The following TOX variants were observed in gnomAD, a reference collection of about 807,000 sequenced individuals.
TOX encodes thymocyte selection-associated high mobility group box protein TOX.
A neutral mutation model predicts 53.7 loss-of-function variants in TOX; 11 were observed. The observed-to-expected ratio is 0.20, with a 90% CI of 0.13 to 0.34. The LOEUF (loss-of-function observed/expected upper bound fraction) is 0.34. Among genes scored for constraint, TOX ranks in the 10% least tolerant of loss-of-function variants. The pLI is 1.00. For missense variants in TOX, 570 were observed against 664.6 expected (o/e 0.86, Z 1.56); for synonymous variants, 225 against 245.3 (o/e 0.92, Z 0.77).
chr8:58,863,366 C>G (rs1382898707), intron 3 of TOX, among the ~76,000 whole-genome samples: 1 of 152,022 alleles, frequency 6.6e-6, no homozygotes, highest in Non-Finnish European at 1.5e-5. Context: ...CTGACAGGTC[C>G]CACCTAATAT....
intron 1 of TOX, among the ~76,000 whole-genome samples, chr8:59,101,858 C>A (rs564796191): frequency 6.6e-6 from 1 of 152,272 alleles, no homozygotes; most frequent in South Asian, 2.1e-4. Context: ...GTTGAGAAGT[C>A]TTCTATGCAC....
Position 58,807,689 on chromosome 8 carries a change from A to G in TOX, c.*58T>C. Reference sequence around the variant, plus strand: ...AGAACTGCCTTGACTGTACAAAGCAATCCATGGTGAAAACACTTCCCTGAA... The same window carrying G: ...AGAACTGCCTTGACTGTACAAAGCAGTCCATGGTGAAAACACTTCCCTGAA... On this transcript the variant is annotated 3_prime_UTR_variant, in exon 9 of 9. Coordinates refer to ENST00000361421, the MANE Select transcript of TOX (RefSeq NM_014729.3). 2 of 1,597,634 alleles carry G rather than the reference A, an allele frequency of 1.3e-6. No individual in the cohort carries two copies.
chr8:58,889,012 T>C (rs1811517703), intron 3 of TOX, among the ~76,000 whole-genome samples: 1 of 152,042 alleles, frequency 6.6e-6, no homozygotes, highest in South Asian at 2.1e-4. Flanking sequence ...AATCCAAGTT[T>C]GATAAGGCTA....
chr8:58,822,780 G>C (rs1371849118), intron 6 of TOX, among the ~76,000 whole-genome samples: 1 of 152,226 alleles, frequency 6.6e-6, no homozygotes, highest in African/African-American at 2.4e-5. Flanking sequence ...CAGTTTGAAA[G>C]ATTAAAAACA....
chr8:58,882,260 C>T (rs902892404), intron 3 of TOX, among the ~76,000 whole-genome samples: 3 of 152,208 alleles, frequency 2.0e-5, no homozygotes, highest in African/African-American at 4.8e-5. Context: ...CTAACATATA[C>T]TCCTTGTTTG....
intron 1 of TOX, among the ~76,000 whole-genome samples, chr8:59,087,701 T>C (rs1250083638): frequency 1.3e-5 from 2 of 152,212 alleles, no homozygotes; most frequent in Non-Finnish European, 2.9e-5. Flanking sequence ...TTCGAGATGT[T>C]GGAGAAAATC....
chr8:59,084,374 A>G (rs1804471875), intron 1 of TOX, among the ~76,000 whole-genome samples: 1 of 152,150 alleles, frequency 6.6e-6, no homozygotes, highest in Admixed American at 6.6e-5. Flanking sequence ...TGTACTGGAA[A>G]ATAGCCACAA....
At chr8:58,948,075 G>A (rs1053629137) in intron 2 of TOX, among the ~76,000 whole-genome samples, 1 of 152,198 alleles carries the variant, frequency 6.6e-6, no homozygotes, top group Non-Finnish European at 1.5e-5. Flanking sequence ...CAAAGCCGGA[G>A]TGACACCAGA....
At chr8:58,937,214 C>A (rs1307795683) in intron 3 of TOX, among the ~76,000 whole-genome samples, 2 of 152,202 alleles carry the variant, frequency 1.3e-5, no homozygotes, top group Admixed American at 1.3e-4. Context: ...TCTTCAAGAA[C>A]TAGAATAGCA....
chr8:58,899,299 G>C (rs188372114), intron 3 of TOX, among the ~76,000 whole-genome samples: 2 of 152,294 alleles, frequency 1.3e-5, no homozygotes. Context: ...TTTAGGAAAA[G>C]TGCTAATAAT....
chr8:58,955,732 CT>C (rs35575258), intron 2 of TOX, among the ~76,000 whole-genome samples: 8,597 of 130,334 alleles, frequency 0.066, 206 homozygotes, highest in East Asian at 0.19. Context: ...GAAAAGGACA[CT>C]TTTTTTTTTT....
chr8:59,064,976 A>G (rs1804061334), intron 1 of TOX, among the ~76,000 whole-genome samples: 1 of 152,172 alleles, frequency 6.6e-6, no homozygotes, highest in South Asian at 2.1e-4. Flanking sequence ...TGAACAAAAA[A>G]GCGCCCTGAG....
At chr8:59,023,602 A>C (rs903023815) in intron 1 of TOX, among the ~76,000 whole-genome samples, 1 of 152,170 alleles carries the variant, frequency 6.6e-6, no homozygotes, top group Non-Finnish European at 1.5e-5. Context: ...TGTTCTAATG[A>C]CATGGAAGGT....
chr8:58,972,724 A>G (rs1813022688), intron 1 of TOX, among the ~76,000 whole-genome samples: 1 of 152,204 alleles, frequency 6.6e-6, no homozygotes, highest in Non-Finnish European at 1.5e-5. Context: ...GAAATTATGT[A>G]ATCTCTTCTG....
intron 1 of TOX, among the ~76,000 whole-genome samples, chr8:59,039,661 C>T (rs913605193): frequency 4.6e-5 from 7 of 152,164 alleles, no homozygotes; most frequent in Non-Finnish European, 8.8e-5. Flanking sequence ...CTTATCATTA[C>T]CCTAACTACT....
chr8:59,002,614 AAAAC>A (rs1227892185), intron 1 of TOX, among the ~76,000 whole-genome samples: 2 of 151,756 alleles, frequency 1.3e-5, no homozygotes, highest in African/African-American at 4.8e-5. Flanking sequence ...CAACAAAAAA[AAAAC>A]AAACAAAAAA....
At chr8:58,994,420 GCGCGCGCGCA>G (rs1813519238) in intron 1 of TOX, among the ~76,000 whole-genome samples, 1 of 136,322 alleles carries the variant, frequency 7.3e-6, no homozygotes. Context: ...GTGTGTGTGT[GCGCGCGCGCA>G]TGTGTGTGTA....
intron 6 of TOX, 72 bp downstream of exon 6, chr8:58,826,749 GC>G: frequency 1.6e-6 from 2 of 1,267,030 alleles, no homozygotes. Context: ...GATCTTTTAT[GC>G]CTTTAAGTGA....
At chr8:59,065,934 A>G (rs1465570737) in intron 1 of TOX, among the ~76,000 whole-genome samples, 15 of 152,236 alleles carry the variant, frequency 9.9e-5, no homozygotes, top group Non-Finnish European at 1.5e-5. Context: ...ATGATTTACC[A>G]TGACGGTTTG....
Sources: allele counts gnomAD v4.1 joint callset (sites outside exome capture counted in the v4.1 genomes callset), GRCh38; gene constraint gnomAD v4.1.1; transcripts MANE v1.5; gene names NCBI Gene and HGNC (gene_info 2026-07-23, HGNC 2026-07-21).